ELMO1: variants seen among roughly 807,000 people sequenced by gnomAD.
The protein encoded by ELMO1 is engulfment and cell motility 1.
A neutral mutation model predicts 98.9 loss-of-function variants in ELMO1; 26 were observed. That is an observed-to-expected ratio of 0.26 (90% confidence interval 0.19 to 0.36). The LOEUF is 0.36. Among genes scored for constraint, ELMO1 ranks in the 10% least tolerant of loss-of-function variants. The probability of loss-of-function intolerance (pLI) is 1.00; values close to 1 mark genes in which losing one functional copy is unlikely to be tolerated. For synonymous variants in ELMO1, 346 were observed against 346.0 expected (o/e 1.00, Z 0.00); for missense variants, 627 against 935.2 (o/e 0.67, Z 4.30).
At chr7:37,195,172 G>A (rs1471005433) in intron 13 of ELMO1, among the ~76,000 whole-genome samples, 1 of 152,172 alleles carries the variant, frequency 6.6e-6, no homozygotes, top group Non-Finnish European at 1.5e-5. Context: ...GAATTGTAGA[G>A]GACAGGGGAT....
intron 2 of ELMO1, among the ~76,000 whole-genome samples, chr7:37,332,082 C>A (rs1207419606): frequency 6.6e-6 from 1 of 152,136 alleles, no homozygotes; most frequent in Admixed American, 6.5e-5. Flanking sequence ...CAGATCGCCA[C>A]GAGTTTGTCC....
At chr7:37,063,515 A>T (rs1796774861) in intron 15 of ELMO1, among the ~76,000 whole-genome samples, 1 of 152,224 alleles carries the variant, frequency 6.6e-6, no homozygotes, top group African/African-American at 2.4e-5. Context: ...TTAGTTTTGG[A>T]ACTAAACTAT....
chr7:37,237,427 T>C (rs1356925963), intron 7 of ELMO1, among the ~76,000 whole-genome samples: 1 of 152,084 alleles, frequency 6.6e-6, no homozygotes, highest in South Asian at 2.1e-4. Flanking sequence ...GTAGCTGGGA[T>C]TACAGGTGCA....
chr7:36,929,016 T>C (rs951495285), intron 16 of ELMO1, among the ~76,000 whole-genome samples: 1 of 152,226 alleles, frequency 6.6e-6, no homozygotes, highest in Non-Finnish European at 1.5e-5. Context: ...ATGCTGCATC[T>C]GCCCTAATAG....
intron 16 of ELMO1, chr7:36,986,561 G>T (rs1161974977): frequency 6.6e-6 from 1 of 152,174 alleles, no homozygotes; most frequent in Non-Finnish European, 1.5e-5. Context: ...AATAATTACC[G>T]ATTCTGTTGC....
intron 1 of ELMO1, among the ~76,000 whole-genome samples, chr7:37,381,627 T>C (rs966434555): frequency 1.1e-4 from 16 of 152,068 alleles, no homozygotes; most frequent in African/African-American, 3.9e-4. Context: ...TATGGAAAAA[T>C]AAAAATTTTC....
In ELMO1 at chr7:37,400,512, T is replaced by C. The variant is rs559779319; in HGVS notation, c.-74+48163A>G. ...ATTACAAAGCATTTTAACTAAGATA[T>C]ACTTTAAAAGCCCAGAACATTTTCC... On this transcript the variant is annotated intron_variant, in intron 1 of 21. Coordinates refer to ENST00000310758, the MANE Select transcript of ELMO1 (RefSeq NM_014800.11). 4.0e-4 allele frequency among the ~76,000 whole-genome samples: 61 copies of C among 152,348 alleles called. 1 individual carries two copies. The South Asian group carries it at 0.012, about 30-fold the overall frequency.
chr7:36,893,771 G>A (rs1805757703), intron 17 of ELMO1, among the ~76,000 whole-genome samples: 1 of 152,112 alleles, frequency 6.6e-6, no homozygotes, highest in Non-Finnish European at 1.5e-5. Flanking sequence ...TTGCATAGGA[G>A]TAAGACCTGC....
intron 4 of ELMO1, among the ~76,000 whole-genome samples, chr7:37,285,373 T>C (rs1487849118): frequency 6.6e-6 from 1 of 152,226 alleles, no homozygotes; most frequent in Non-Finnish European, 1.5e-5. Flanking sequence ...AACAGTATGG[T>C]TTCTGTATCC....
chr7:37,365,184 T>TC (rs1801854928), intron 1 of ELMO1, among the ~76,000 whole-genome samples: 1 of 152,132 alleles, frequency 6.6e-6, no homozygotes, highest in African/African-American at 2.4e-5. Flanking sequence ...TATGATGTGG[T>TC]CCTAAATTCT....
intron 14 of ELMO1, among the ~76,000 whole-genome samples, chr7:37,125,815 A>G (rs1786469677): frequency 6.6e-6 from 1 of 152,248 alleles, no homozygotes; most frequent in Non-Finnish European, 1.5e-5. Flanking sequence ...CCAAAGGATT[A>G]TAAATCATGC....
At chr7:37,191,352 C>G (rs1365180062) in intron 13 of ELMO1, among the ~76,000 whole-genome samples, 1 of 151,468 alleles carries the variant, frequency 6.6e-6, no homozygotes, top group African/African-American at 2.4e-5. Context: ...CCAACTAAAT[C>G]AAAGTAGTTA....
In ELMO1 at chr7:37,319,411, A is replaced by C. The variant is rs928644556; in HGVS notation, c.79-3451T>G. ...TGTGATGTCCACAGCATTGCTTCTCACCGCCTAACTCTTCTTCTGAACTCC... is the reference window on the plus strand; with the variant it reads ...TGTGATGTCCACAGCATTGCTTCTCCCCGCCTAACTCTTCTTCTGAACTCC... On this transcript the variant is annotated intron_variant, in intron 2 of 21. Coordinates refer to ENST00000310758, the MANE Select transcript of ELMO1 (RefSeq NM_014800.11). Among the ~76,000 whole-genome samples the C allele has an allele frequency of 6.6e-5, 10 of 152,130 alleles. No individual in the cohort carries two copies. In the South Asian group the frequency reaches 1.9e-3, roughly 28 times the overall value.
intron 13 of ELMO1, among the ~76,000 whole-genome samples, chr7:37,206,986 C>T (rs537215809): frequency 7.2e-4 from 109 of 152,126 alleles, no homozygotes; most frequent in South Asian, 3.7e-3. Flanking sequence ...CATGCTTGTC[C>T]GGTAGACTGA....
intron 6 of ELMO1, among the ~76,000 whole-genome samples, chr7:37,251,622 T>C (rs1274798359): frequency 1.3e-5 from 2 of 152,178 alleles, no homozygotes. Context: ...ACAGCCAATA[T>C]CATACTGAAT....
chr7:37,269,513 C>T (rs1796447081), intron 5 of ELMO1: 1 of 148,236 alleles, frequency 6.7e-6, no homozygotes. Context: ...GTCATCTCTG[C>T]TCACTGTAAG....
At chr7:37,004,435 G>A (rs1389228516) in intron 16 of ELMO1, among the ~76,000 whole-genome samples, 1 of 152,296 alleles carries the variant, frequency 6.6e-6, no homozygotes, top group East Asian at 1.9e-4. Flanking sequence ...CATGCTCAGG[G>A]ATGGTCAGAA....
chr7:37,205,236 T>C (rs904048303), intron 13 of ELMO1, among the ~76,000 whole-genome samples: 1 of 152,222 alleles, frequency 6.6e-6, no homozygotes, highest in Non-Finnish European at 1.5e-5. Context: ...AGTAGTTATG[T>C]CCTAGAAAGT....
chr7:37,279,278 G>C (rs1000422406), intron 4 of ELMO1, among the ~76,000 whole-genome samples: 1 of 152,168 alleles, frequency 6.6e-6, no homozygotes, highest in Non-Finnish European at 1.5e-5. Context: ...AACTCAATGG[G>C]GAGACGTGGC....
Sources: gnomAD v4.1 joint callset for allele counts (sites outside exome capture counted in the v4.1 genomes callset) on GRCh38, gnomAD v4.1.1 for gene constraint, MANE v1.5 for transcripts, NCBI Gene and HGNC (gene_info 2026-07-23, HGNC 2026-07-21) for gene names.